SRRM3: variants seen among roughly 807,000 people sequenced by gnomAD.
The protein encoded by SRRM3 is serine/arginine repetitive matrix 3, also known as serine/arginine repetitive matrix protein 3.
Under a neutral mutation model 66.2 loss-of-function variants are expected in SRRM3, and 27 were observed. That is an observed-to-expected ratio of 0.41 (90% CI 0.30 to 0.56). The LOEUF is 0.56. Among genes scored for constraint, SRRM3 ranks in the 20% least tolerant of loss-of-function variants. SRRM3 has a pLI of 0.32. For missense variants in SRRM3, 918 were observed against 991.9 expected (o/e 0.93, Z 1.00); for synonymous variants, 391 against 414.9 (o/e 0.94, Z 0.70).
chr7:76,233,002 T>C (rs1477260454), intron 1 of SRRM3, among the ~76,000 whole-genome samples: 1 of 151,510 alleles, frequency 6.6e-6, no homozygotes, highest in Non-Finnish European at 1.5e-5. Context: ...ATGTGAGCGA[T>C]GTTGAGAAGA....
chr7:76,218,975 C>T (rs1800644194), intron 1 of SRRM3, among the ~76,000 whole-genome samples: 1 of 152,136 alleles, frequency 6.6e-6, no homozygotes, highest in Non-Finnish European at 1.5e-5. Context: ...CTGCCTCAGC[C>T]TCCCAAGTAG....
chr7:76,255,144 C>CTTTTTTT (rs1309988503), intron 3 of SRRM3, among the ~76,000 whole-genome samples: 5 of 70,312 alleles, frequency 7.1e-5, no homozygotes, highest in African/African-American at 2.3e-4. Flanking sequence ...TTCTTTCTTT[C>CTTTTTTT]TTTCTTTTTT....
chr7:76,267,429 G>A lies in SRRM3; in HGVS notation c.1002G>A (p.Pro334=). ...GCCGCCCCGGCTCGGCGCACAGCCC[G>A]CCCGATGTACGTACGCTTCGCTTTG... The part of the protein sequence containing the change: ...HGGRPGSAHS[P]PDKPSSPSPR... Residue 334 remains proline (P), a synonymous_variant, in exon 11 of 15, where the codon CCG becomes CCA. Transcript: ENST00000611745. The A allele has an allele frequency of 7.3e-7, 1 of 1,362,692 alleles. No homozygotes were observed. Among genetic ancestry groups the A allele is most frequent in the Non-Finnish European group, 9.4e-7 (1 of 1,063,152 alleles). 84.4% of individuals were successfully genotyped at this position (1,362,692 alleles called of 1,614,324 possible). A position where few individuals can be genotyped will look rare whatever the true frequency, so the allele number is the denominator to read the frequency against.
intron 3 of SRRM3, among the ~76,000 whole-genome samples, chr7:76,251,499 C>G (rs1801581601): frequency 6.6e-6 from 1 of 152,092 alleles, no homozygotes; most frequent in South Asian, 2.1e-4. Flanking sequence ...CTCAGCCTCC[C>G]CAACAGCTGG....
intron 12 of SRRM3, 28 bp downstream of exon 12, chr7:76,281,830 T>TCC: frequency 7.7e-7 from 1 of 1,296,196 alleles, no homozygotes; most frequent in Non-Finnish European, 9.8e-7. Context: ...GGAGCTGGAC[T>TCC]CCCGCCCCCA....
chr7:76,262,851 G>A (rs187958225), intron 8 of SRRM3, among the ~76,000 whole-genome samples: 59 of 142,838 alleles, frequency 4.1e-4, no homozygotes, highest in Middle Eastern at 3.5e-3. Flanking sequence ...AAAAGAAAAG[G>A]AAAGGAAAAG....
chr7:76,249,102 A>G (rs1206140405), intron 3 of SRRM3, among the ~76,000 whole-genome samples: 4 of 152,144 alleles, frequency 2.6e-5, no homozygotes, highest in African/African-American at 4.8e-5. Flanking sequence ...AAGAGGGTGT[A>G]AGACTGGGCA....
Position 76,235,352 on chromosome 7 carries a change from G to A in SRRM3, c.233+53G>A, listed in dbSNP as rs534991770. ...GTGGGGAGATAGGCGGGGCGAGGGT[G>A]GGAGAAGCGAGTGATGCTGCACGTG... On this transcript the variant is annotated intron_variant, in intron 2 of 14. Coordinates refer to ENST00000611745, the MANE Select transcript of SRRM3 (RefSeq NM_001110199.3). The A allele has an allele frequency of 1.5e-4, 212 of 1,406,450 alleles. 2 individuals carry two copies. The South Asian group carries it at 2.6e-3, about 17-fold the overall frequency. The allele number at this position is 1,406,450 out of a possible 1,614,324, so 87.1% of individuals were successfully genotyped here. A position where few individuals can be genotyped will look rare whatever the true frequency, so the allele number is the denominator to read the frequency against.
intron 2 of SRRM3, among the ~76,000 whole-genome samples, chr7:76,246,182 T>C (rs1269945086): frequency 6.6e-6 from 1 of 152,228 alleles, no homozygotes; most frequent in Non-Finnish European, 1.5e-5. Context: ...TGCAAAGTGC[T>C]ATAATGACAT....
At chr7:76,253,030 G>C (rs1202316767) in intron 3 of SRRM3, among the ~76,000 whole-genome samples, 1 of 151,680 alleles carries the variant, frequency 6.6e-6, no homozygotes, top group Non-Finnish European at 1.5e-5. Context: ...CGGGCATGGT[G>C]GGGGGCACCT....
At chr7:76,226,599 T>TA (rs1554603766) in intron 1 of SRRM3, among the ~76,000 whole-genome samples, 1,624 of 138,480 alleles carry the variant, frequency 0.012, 20 homozygotes, top group Non-Finnish European at 0.017. Context: ...TTTATTTATT[T>TA]TATTTTTTGA....
chr7:76,218,188 C>T (rs1433150572), intron 1 of SRRM3, among the ~76,000 whole-genome samples: 8 of 152,194 alleles, frequency 5.3e-5, no homozygotes, highest in African/African-American at 1.2e-4. Context: ...AGCACACAGG[C>T]TTCTCCGATT....
At chr7:76,213,418 A>G (rs782542549) in intron 1 of SRRM3, among the ~76,000 whole-genome samples, 26 of 152,200 alleles carry the variant, frequency 1.7e-4, no homozygotes, top group Non-Finnish European at 3.4e-4. Flanking sequence ...ACATCCAATG[A>G]TGTAGGTCGG....
At chr7:76,275,105 CA>C (rs199917871) in intron 11 of SRRM3, among the ~76,000 whole-genome samples, 1,117 of 85,574 alleles carry the variant, frequency 0.013, 11 homozygotes, top group African/African-American at 0.041. Flanking sequence ...GACTCAGTCT[CA>C]AAAAAAAAAA....
intron 11 of SRRM3, among the ~76,000 whole-genome samples, chr7:76,276,080 C>CA (rs1265237301): frequency 1.4e-5 from 2 of 138,828 alleles, no homozygotes; most frequent in East Asian, 2.3e-4. Context: ...ACCCCCATCT[C>CA]AAAAAATATA....
At chr7:76,280,148 G>A (rs1383373511) in intron 11 of SRRM3, among the ~76,000 whole-genome samples, 1 of 132,112 alleles carries the variant, frequency 7.6e-6, no homozygotes, top group Non-Finnish European at 1.8e-5. Context: ...AAAAAGAAAA[G>A]AGAGAAACAG....
At chr7:76,261,721 C>G (rs1487748379) in intron 8 of SRRM3, 140 bp downstream of exon 8, 2 of 943,726 alleles carry the variant, frequency 2.1e-6, no homozygotes, top group Non-Finnish European at 3.3e-6. Flanking sequence ...AGCCAGGCTG[C>G]GGGGACAGGG....
chr7:76,239,094 A>ACGATCT (rs1801219440), intron 2 of SRRM3, among the ~76,000 whole-genome samples: 3 of 151,982 alleles, frequency 2.0e-5, no homozygotes, highest in South Asian at 4.1e-4. Context: ...GTGAAATGGC[A>ACGATCT]CGATCTCGGC....
At chr7:76,250,484 TC>T (rs1801552306) in intron 3 of SRRM3, among the ~76,000 whole-genome samples, 1 of 152,124 alleles carries the variant, frequency 6.6e-6, no homozygotes, top group African/African-American at 2.4e-5. Context: ...CCCACCCGCC[TC>T]GGCCTCCCAA....
Sources: gnomAD v4.1 joint callset for allele counts (sites outside exome capture counted in the v4.1 genomes callset) on GRCh38, gnomAD v4.1.1 for gene constraint, MANE v1.5 for transcripts, NCBI Gene and HGNC (gene_info 2026-07-23, HGNC 2026-07-21) for gene names.